Variants in ZNF680 observed in about 807,000 individuals in gnomAD.
ZNF680 encodes zinc finger protein 680.
A neutral mutation model predicts 12.1 loss-of-function variants in ZNF680; 6 were observed. The observed-to-expected ratio is 0.49, with a 90% CI of 0.27 to 0.98. The LOEUF is 0.98. Among genes scored for constraint, ZNF680 ranks in the 50% least tolerant of loss-of-function variants. The pLI is 0.12. For synonymous variants in ZNF680, 170 were observed against 199.3 expected, an observed-to-expected ratio of 0.85 and a Z score of 1.24; for missense variants, 561 against 616.3, an observed-to-expected ratio of 0.91 and a Z score of 0.95.
chr7:64,516,493 TTA>T (rs1374751079), downstream of ZNF680, among the ~76,000 whole-genome samples: 11 of 151,998 alleles, frequency 7.2e-5, no homozygotes, highest in African/African-American at 2.7e-4. Flanking sequence ...ACCTAAGAAA[TTA>T]AATAGACAGA....
chr7:64,537,791 G>A (rs538462108), intron 3 of ZNF680, among the ~76,000 whole-genome samples: 3 of 152,170 alleles, frequency 2.0e-5, no homozygotes, highest in East Asian at 3.9e-4. Context: ...TTAGCCGGGC[G>A]TGGTGGCGGG....
chr7:64,519,732 T>C (rs1791434907), downstream of ZNF680, among the ~76,000 whole-genome samples: 1 of 151,802 alleles, frequency 6.6e-6, no homozygotes, highest in Non-Finnish European at 1.5e-5. Context: ...GAGGACAGCA[T>C]ATTAGTTGAA....
chr7:64,501,394 G>A, the ZNF680 span: 5 of 1,161,080 alleles, frequency 4.3e-6, no homozygotes, highest in South Asian at 4.9e-5. Flanking sequence ...GAAAGGAGAT[G>A]ACCTTTAGGC....
At chr7:64,538,532 C>G (rs1786303296) in intron 3 of ZNF680, among the ~76,000 whole-genome samples, 1 of 152,052 alleles carries the variant, frequency 6.6e-6, no homozygotes, top group Non-Finnish European at 1.5e-5. Flanking sequence ...AATTTGTAGA[C>G]AAATGCATGA....
At chr7:64,515,878 T>C (rs1354851863), downstream of ZNF680, among the ~76,000 whole-genome samples, 1 of 152,156 alleles carries the variant, frequency 6.6e-6, no homozygotes, top group Non-Finnish European at 1.5e-5. Context: ...AGACCCTAAT[T>C]GGTCCCAGGC....
chr7:64,534,410 A>G (rs997460496), intron 3 of ZNF680, among the ~76,000 whole-genome samples: 15 of 152,210 alleles, frequency 9.9e-5, no homozygotes, highest in Non-Finnish European at 5.9e-5. Context: ...AATATGAAAA[A>G]ATGCTCCACA....
intron 3 of ZNF680, chr7:64,524,659 G>A (rs923887323): frequency 6.6e-6 from 1 of 152,148 alleles, no homozygotes; most frequent in Non-Finnish European, 1.5e-5. Flanking sequence ...AACCGGACTT[G>A]AAGGGAGTAT....
chr7:64,509,292 G>C, the ZNF680 span, among the ~76,000 whole-genome samples: 1 of 152,038 alleles, frequency 6.6e-6, no homozygotes, highest in Non-Finnish European at 1.5e-5. Flanking sequence ...ATCTTCCATT[G>C]TTTTCCCTTT....
chr7:64,560,272 C>A (rs147557957), intron 1 of ZNF680, among the ~76,000 whole-genome samples: 10 of 151,948 alleles, frequency 6.6e-5, no homozygotes, highest in South Asian at 2.1e-4. Flanking sequence ...TACCACCACG[C>A]CCGGCTAATT....
At chr7:64,504,067 ATAT>A in the ZNF680 span, among the ~76,000 whole-genome samples, 6 of 152,340 alleles carry the variant, frequency 3.9e-5, no homozygotes, top group African/African-American at 9.6e-5. Flanking sequence ...CAGCAGAAAA[ATAT>A]TATTTTAAAT....
chr7:64,553,372 C>T (rs926493502), intron 1 of ZNF680, among the ~76,000 whole-genome samples: 2 of 151,648 alleles, frequency 1.3e-5, no homozygotes, highest in African/African-American at 4.8e-5. Context: ...AGGATAATAG[C>T]CTTAATAGCC....
At chr7:64,544,201 T>A (rs902245342) in intron 2 of ZNF680, 105 bp downstream of exon 2, 4 of 1,456,624 alleles carry the variant, frequency 2.7e-6, no homozygotes, top group Non-Finnish European at 3.7e-6. Context: ...AAAACAGGGA[T>A]CTGAAACTCA....
downstream of ZNF680, among the ~76,000 whole-genome samples, chr7:64,515,805 T>A (rs936256677): frequency 6.8e-6 from 1 of 147,974 alleles, no homozygotes; most frequent in East Asian, 1.9e-4. Context: ...ATAAACACAG[T>A]GGGCTCCAGT....
intron 3 of ZNF680, among the ~76,000 whole-genome samples, chr7:64,537,925 A>G (rs549279543): frequency 1.2e-4 from 19 of 152,024 alleles, no homozygotes; most frequent in Admixed American, 2.0e-4. Context: ...GCAAGACTCC[A>G]TCTCCAAAAA....
intron 3 of ZNF680, among the ~76,000 whole-genome samples, chr7:64,533,692 AAG>A (rs1786004402): frequency 6.6e-6 from 1 of 152,064 alleles, no homozygotes; most frequent in African/African-American, 2.4e-5. Context: ...AGAACGAAAA[AAG>A]AGCCCACATA....
chr7:64,536,008 T>C (rs866921533), intron 3 of ZNF680, among the ~76,000 whole-genome samples: 29 of 152,126 alleles, frequency 1.9e-4, no homozygotes, highest in African/African-American at 6.8e-4. Context: ...ATTGATATTA[T>C]ATAATGGTAA....
intron 2 of ZNF680, 66 bp from the exon 3 acceptor site, chr7:64,543,868 G>A (rs1375587370): frequency 8.2e-6 from 11 of 1,333,696 alleles, no homozygotes; most frequent in African/African-American, 2.9e-5. Context: ...CTACTAATGT[G>A]CTCAGTAAAG....
intron 3 of ZNF680, among the ~76,000 whole-genome samples, chr7:64,537,353 A>G (rs1164313568): frequency 6.6e-6 from 1 of 152,130 alleles, no homozygotes; most frequent in African/African-American, 2.4e-5. Context: ...AAAATAAAAC[A>G]TACTCTTTGA....
At chr7:64,532,673 A>G (rs1033939335) in intron 3 of ZNF680, among the ~76,000 whole-genome samples, 1 of 152,238 alleles carries the variant, frequency 6.6e-6, no homozygotes, top group East Asian at 1.9e-4. Context: ...AATTCATTCT[A>G]TGAAGCCAAC....
Sources: gnomAD v4.1 joint callset for allele counts (sites outside exome capture counted in the v4.1 genomes callset) on GRCh38, gnomAD v4.1.1 for gene constraint, MANE v1.5 for transcripts, NCBI Gene and HGNC (gene_info 2026-07-23, HGNC 2026-07-21) for gene names.